The following SEMA3C variants were observed in gnomAD, a reference collection of about 807,000 sequenced individuals.
SEMA3C encodes the protein semaphorin-3C.
Under a neutral mutation model 89.4 loss-of-function variants are expected in SEMA3C, and 47 were observed. That is an observed-to-expected ratio of 0.53 (90% CI 0.42 to 0.67). The LOEUF is 0.67. Among genes scored for constraint, SEMA3C ranks in the 30% least tolerant of loss-of-function variants. The pLI is 0.00. For missense variants in SEMA3C, 839 were observed against 929.1 expected (o/e 0.90, Z 1.26); for synonymous variants, 310 against 320.2 (o/e 0.97, Z 0.34).
chr7:80,771,557 A>T (rs1428517968), intron 12 of SEMA3C, among the ~76,000 whole-genome samples: 1 of 152,206 alleles, frequency 6.6e-6, no homozygotes. Flanking sequence ...CTAGCCAAGA[A>T]ATCAGCTTGC....
At chr7:80,836,717 C>CAA (rs1297775664) in intron 2 of SEMA3C, among the ~76,000 whole-genome samples, 4 of 142,028 alleles carry the variant, frequency 2.8e-5, no homozygotes, top group Non-Finnish European at 1.6e-5. Flanking sequence ...CAAACAAAAA[C>CAA]AGACAGACAG....
intron 2 of SEMA3C, among the ~76,000 whole-genome samples, chr7:80,888,294 G>A (rs1791530363): frequency 6.6e-6 from 1 of 151,520 alleles, no homozygotes; most frequent in African/African-American, 2.4e-5. Context: ...TGTGCCTGTA[G>A]TCCCAGTTAT....
chr7:80,922,190 G>C (rs763376320), upstream of SEMA3C: 86 of 1,196,884 alleles, frequency 7.2e-5, no homozygotes, highest in Non-Finnish European at 9.1e-5. Context: ...GTAAATATCA[G>C]AATAGGAAGA....
At chr7:80,861,810 T>C (rs1258454861) in intron 2 of SEMA3C, among the ~76,000 whole-genome samples, 1 of 152,192 alleles carries the variant, frequency 6.6e-6, no homozygotes, top group Non-Finnish European at 1.5e-5. Flanking sequence ...ATAAATGTGA[T>C]ACATCACATA....
chr7:80,790,768 C>T (rs181573792), intron 11 of SEMA3C, among the ~76,000 whole-genome samples: 1 of 152,274 alleles, frequency 6.6e-6, no homozygotes, highest in East Asian at 1.9e-4. Flanking sequence ...ATTTACCTAA[C>T]AGTATATTAT....
chr7:80,901,808 T>G (rs1397057073), intron 2 of SEMA3C, among the ~76,000 whole-genome samples: 1 of 152,250 alleles, frequency 6.6e-6, no homozygotes, highest in African/African-American at 2.4e-5. Flanking sequence ...TATTGTACAT[T>G]ATAAGGTATT....
intron 16 of SEMA3C, among the ~76,000 whole-genome samples, chr7:80,750,461 TATATATATATATACACACAC>T (rs1268104787): frequency 4.4e-5 from 3 of 67,430 alleles, no homozygotes; most frequent in African/African-American, 1.7e-4. Context: ...TATATATATA[TATATATATATATACACACAC>T]ACACACACAC....
At chr7:80,830,785 C>A (rs1386417900) in intron 2 of SEMA3C, among the ~76,000 whole-genome samples, 1 of 152,096 alleles carries the variant, frequency 6.6e-6, no homozygotes, top group Non-Finnish European at 1.5e-5. Flanking sequence ...GGTGACACAG[C>A]TGGCAGGTGG....
chr7:80,849,325 C>T (rs201139419), intron 2 of SEMA3C, among the ~76,000 whole-genome samples: 13 of 151,192 alleles, frequency 8.6e-5, no homozygotes, highest in African/African-American at 2.6e-4. Context: ...AGTAAAACTC[C>T]GATGCTTTTG....
At chr7:80,806,575 G>A (rs1789346827) in intron 6 of SEMA3C, among the ~76,000 whole-genome samples, 2 of 151,966 alleles carry the variant, frequency 1.3e-5, no homozygotes, top group Admixed American at 6.6e-5. Flanking sequence ...AGAATCAGAT[G>A]TATTAATCTA....
chr7:80,853,273 T>C (rs1408111463), intron 2 of SEMA3C, among the ~76,000 whole-genome samples: 3 of 152,100 alleles, frequency 2.0e-5, no homozygotes, highest in Non-Finnish European at 4.4e-5. Flanking sequence ...TGGGTACATA[T>C]GCAAAAGAAA....
chr7:80,812,748 T>C (rs1789498521), intron 5 of SEMA3C, among the ~76,000 whole-genome samples: 1 of 152,016 alleles, frequency 6.6e-6, no homozygotes, highest in South Asian at 2.1e-4. Context: ...GTTAGGCTTT[T>C]CTCTTTTTGA....
Position 80,858,545 on chromosome 7 carries a change from G to A in SEMA3C, c.104-29800C>T, listed in dbSNP as rs959209050. On this transcript the variant is annotated intron_variant, in intron 2 of 17. Transcript: ENST00000265361. ...ATTTGTAAAACCACAGACATTTTGA[G>A]GAGGAATTCCAGTTCCTATTTTTAA... is the stretch of plus-strand genomic sequence containing the variant. Among the ~76,000 whole-genome samples the A allele has an allele frequency of 9.2e-5, 14 of 152,246 alleles. No individual in the cohort carries two copies. In the East Asian group the frequency reaches 2.1e-3, roughly 23 times the overall value.
intron 12 of SEMA3C, among the ~76,000 whole-genome samples, chr7:80,780,799 A>C (rs1333386204): frequency 6.6e-6 from 1 of 152,120 alleles, no homozygotes; most frequent in African/African-American, 2.4e-5. Context: ...TGGGAGGATC[A>C]CCTGAGCCCA....
intron 12 of SEMA3C, among the ~76,000 whole-genome samples, chr7:80,769,471 T>A (rs1788377123): frequency 6.6e-6 from 1 of 152,074 alleles, no homozygotes; most frequent in Non-Finnish European, 1.5e-5. Flanking sequence ...TTTACAGAAA[T>A]CCCCATTTTC....
intron 5 of SEMA3C, among the ~76,000 whole-genome samples, chr7:80,814,073 C>CTTTTTTTTT (rs935523129): frequency 7.0e-6 from 1 of 143,816 alleles, no homozygotes. Context: ...TTCTCTGTTC[C>CTTTTTTTTT]TTTTTTTTTT....
rs537139364 is a variant in SEMA3C, at chr7:80,814,245, C to T, written c.448-3544G>A. Among the ~76,000 whole-genome samples the T allele has an allele frequency of 2.4e-4, 36 of 152,092 alleles. No individual in the cohort carries two copies. The East Asian group carries it at 3.9e-3, about 16-fold the overall frequency. ...CTGGGACTACAGGTACCTGCCACCA[C>T]GCCCAGCTAATTTTTTGTATTTTTA... On this transcript the variant is annotated intron_variant, in intron 5 of 17. Transcript: ENST00000265361.
At chr7:80,922,256 T>G, upstream of SEMA3C, 1 of 1,288,588 alleles carries the variant, frequency 7.8e-7, no homozygotes, top group South Asian at 1.2e-5. Flanking sequence ...TTTCAATACT[T>G]CCTCTTACCT....
Position 80,859,683 on chromosome 7 carries a change from C to T in SEMA3C, c.104-30938G>A, listed in dbSNP as rs79725824. 3.5e-3 allele frequency among the ~76,000 whole-genome samples: 539 copies of T among 152,290 alleles called. 10 individuals are homozygous for T. The highest frequency in any genetic ancestry group is 0.035 in the East Asian group (180 of 5,180). ...GCGGCACACATTTTCAAACTTAGCA[C>T]CCTCCTGTTGCCACAGTCTGCTGAC... On this transcript the variant is annotated intron_variant, in intron 2 of 17. Transcript: ENST00000265361.
Sources: allele counts gnomAD v4.1 joint callset (sites outside exome capture counted in the v4.1 genomes callset), GRCh38; gene constraint gnomAD v4.1.1; transcripts MANE v1.5; gene names NCBI Gene and HGNC (gene_info 2026-07-23, HGNC 2026-07-21).